DLGAP2: variants seen among roughly 807,000 people sequenced by gnomAD.
DLGAP2 encodes the protein disks large-associated protein 2.
A neutral mutation model predicts 100.3 loss-of-function variants in DLGAP2; 26 were observed. The observed-to-expected ratio is 0.26, with a 90% CI of 0.19 to 0.36. The LOEUF is 0.36. Ranked by LOEUF, DLGAP2 falls within the 10% of genes least tolerant of loss-of-function variation. The probability of loss-of-function intolerance (pLI) is 1.00; values close to 1 mark genes in which losing one functional copy is unlikely to be tolerated. For synonymous variants in DLGAP2, 886 were observed against 630.1 expected (o/e 1.41, Z -6.08); for missense variants, 1,858 against 1,453.2 (o/e 1.28, Z -4.53).
intron 2 of DLGAP2, among the ~76,000 whole-genome samples, chr8:1,139,548 A>T (rs572439079): frequency 5.3e-4 from 80 of 152,230 alleles, no homozygotes; most frequent in African/African-American, 1.9e-3. Context: ...TCACCTCCCA[A>T]AGCCATCACC....
chr8:1,200,772 C>T (rs966317848), intron 2 of DLGAP2, among the ~76,000 whole-genome samples: 1 of 151,572 alleles, frequency 6.6e-6, no homozygotes, highest in African/African-American at 2.4e-5. Flanking sequence ...GGGTTCCTGA[C>T]TTGCTGGACG....
At chr8:919,192 T>C (rs555272184) in intron 2 of DLGAP2, among the ~76,000 whole-genome samples, 1 of 152,306 alleles carries the variant, frequency 6.6e-6, no homozygotes, top group East Asian at 1.9e-4. Flanking sequence ...AGACTTGACA[T>C]TGTAATTGAA....
In DLGAP2 at chr8:1,653,538, A is replaced by T. The variant is rs558442753; in HGVS notation, c.1811-14791A>T. Among the ~76,000 whole-genome samples, 7 of 152,316 alleles carry T rather than the reference A, an allele frequency of 4.6e-5. No individual in the cohort carries two copies. In the East Asian group the frequency reaches 1.4e-3, roughly 29 times the overall value. ...CTCTGGAGGTTCACAGAGCAACTTC[A>T]GTGCAAGGAGCCCTGATTTATTGGC... On this transcript the variant is annotated intron_variant, in intron 8 of 14. Transcript: ENST00000637795.
chr8:747,590 C>G (rs1820657436), intron 1 of DLGAP2, among the ~76,000 whole-genome samples: 1 of 135,282 alleles, frequency 7.4e-6, no homozygotes, highest in South Asian at 2.7e-4. Flanking sequence ...ATGAGGGGCT[C>G]CATGACGGGA....
chr8:926,447 C>G (rs1027118077), intron 2 of DLGAP2, among the ~76,000 whole-genome samples: 5 of 152,190 alleles, frequency 3.3e-5, no homozygotes, highest in African/African-American at 1.2e-4. Flanking sequence ...TTCCACTGCT[C>G]CATCCACGAT....
chr8:1,383,335 G>A (rs1391807057), intron 3 of DLGAP2, among the ~76,000 whole-genome samples: 8 of 152,174 alleles, frequency 5.3e-5, no homozygotes, highest in African/African-American at 1.4e-4. Flanking sequence ...TGCTGCTGCC[G>A]CCACTTCATG....
chr8:1,414,965 T>G lies in DLGAP2; in HGVS notation c.107-86401T>G, dbSNP rs185982241. ...TGGAGGTTTCAGTGAGCTGAGGTCA[T>G]GCCCCTGCACTCGAGCCTGGGCAAC... On this transcript the variant is annotated intron_variant, in intron 3 of 14. Coordinates refer to ENST00000637795, the MANE Select transcript of DLGAP2 (RefSeq NM_001346810.2). Among the ~76,000 whole-genome samples, 534 of 152,060 alleles carry G rather than the reference T, an allele frequency of 3.5e-3. 3 individuals are homozygous for G. The highest frequency in any genetic ancestry group is 0.012 in the African/African-American group (482 of 41,454).
chr8:1,292,337 G>A (rs760179), intron 3 of DLGAP2, among the ~76,000 whole-genome samples: 120,752 of 152,096 alleles, frequency 0.79, 48,012 homozygotes, highest in African/African-American at 0.83. Context: ...CTGACATCCT[G>A]TGGATCATGT....
At chr8:1,239,688 A>T (rs1377791146) in intron 2 of DLGAP2, among the ~76,000 whole-genome samples, 3 of 18,040 alleles carry the variant, frequency 1.7e-4, no homozygotes, top group East Asian at 9.5e-4. Context: ...ACATAGCGTC[A>T]TGTCTAGTTG....
At chr8:805,912 C>G (rs1286838351) in intron 1 of DLGAP2, among the ~76,000 whole-genome samples, 3 of 152,256 alleles carry the variant, frequency 2.0e-5, no homozygotes, top group African/African-American at 7.2e-5. Flanking sequence ...CCAGCACCTA[C>G]AAGCATATTT....
chr8:1,593,786 G>A (rs868352564), intron 6 of DLGAP2, among the ~76,000 whole-genome samples: 1 of 152,172 alleles, frequency 6.6e-6, no homozygotes, highest in Non-Finnish European at 1.5e-5. Context: ...ACAGTGGCAT[G>A]GCTGGTAGAT....
intron 2 of DLGAP2, among the ~76,000 whole-genome samples, chr8:978,905 A>G (rs1269420634): frequency 6.6e-6 from 1 of 152,208 alleles, no homozygotes; most frequent in African/African-American, 2.4e-5. Flanking sequence ...ATGACATATT[A>G]TTGCAAAAAT....
chr8:1,321,261 GC>G (rs1800894241), intron 3 of DLGAP2, among the ~76,000 whole-genome samples: 2 of 151,224 alleles, frequency 1.3e-5, no homozygotes, highest in South Asian at 4.2e-4. Flanking sequence ...GTGCATCTGT[GC>G]CATGTGCGTG....
chr8:1,491,608 C>T (rs1799391467), intron 3 of DLGAP2, among the ~76,000 whole-genome samples: 1 of 152,132 alleles, frequency 6.6e-6, no homozygotes, highest in Non-Finnish European at 1.5e-5. Context: ...GATGGTAGTG[C>T]AGGGGACCTA....
Position 1,632,889 on chromosome 8 carries a change from T to G in DLGAP2, c.1653T>G (p.Val551=), listed in dbSNP as rs1171316850. Residue 551 remains valine, a synonymous_variant, in exon 8 of 15, where the codon GTT becomes GTG. Transcript: ENST00000637795. The part of the protein sequence containing the change: ...ESVCESVFSE[V]ESQAMDALDL... ...TGTGCGAGTCCGTCTTCAGTGAAGT[T>G]GAATCTCAGGCCATGGATGCCCTCG... 1.2e-6 allele frequency: 2 copies of G among 1,613,826 alleles called. No homozygotes were observed. Among genetic ancestry groups the G allele is most frequent in the Non-Finnish European group, 1.7e-6 (2 of 1,179,862 alleles).
At chr8:1,296,738 G>C (rs537675842) in intron 3 of DLGAP2, among the ~76,000 whole-genome samples, 2 of 152,186 alleles carry the variant, frequency 1.3e-5, no homozygotes, top group African/African-American at 2.4e-5. Flanking sequence ...CTTTGGGTTC[G>C]CTTGCGGGAA....
chr8:1,123,969 A>G (rs1371646238), intron 2 of DLGAP2, among the ~76,000 whole-genome samples: 1 of 152,122 alleles, frequency 6.6e-6, no homozygotes, highest in Non-Finnish European at 1.5e-5. Flanking sequence ...GCAGGCAGTG[A>G]CCTTCTTTTC....
intron 2 of DLGAP2, among the ~76,000 whole-genome samples, chr8:1,215,321 G>C (rs994604057): frequency 6.6e-6 from 1 of 152,358 alleles, no homozygotes; most frequent in Non-Finnish European, 1.5e-5. Flanking sequence ...GCATGATCAT[G>C]CGAGGCTGAT....
chr8:1,453,334 C>T (rs1422242019), intron 3 of DLGAP2, among the ~76,000 whole-genome samples: 1 of 152,194 alleles, frequency 6.6e-6, no homozygotes, highest in African/African-American at 2.4e-5. Flanking sequence ...AGTATTTTTC[C>T]TTCATCATAT....
Sources: gnomAD v4.1 joint callset for allele counts (sites outside exome capture counted in the v4.1 genomes callset) on GRCh38, gnomAD v4.1.1 for gene constraint, MANE v1.5 for transcripts, NCBI Gene and HGNC (gene_info 2026-07-23, HGNC 2026-07-21) for gene names.